Variants in ERC2 observed in about 807,000 individuals in gnomAD.
ERC2 encodes the protein ELKS/RAB6-interacting/CAST family member 2.
In ERC2, 42 loss-of-function variants were observed where a neutral mutation model predicts 114.8. That is an observed-to-expected ratio of 0.37 (90% CI 0.29 to 0.47). ERC2 has a LOEUF of 0.47. ERC2 is among the 20% of genes least tolerant of loss of function. The pLI, the probability that ERC2 is intolerant of heterozygous loss-of-function variation, is 0.99. For synonymous variants in ERC2, 454 were observed against 425.5 expected (o/e 1.07, Z -0.82); for missense variants, 939 against 1,150.7 (o/e 0.82, Z 2.66).
At chr3:55,751,867 G>T (rs2066726246) in intron 14 of ERC2, among the ~76,000 whole-genome samples, 1 of 152,180 alleles carries the variant, frequency 6.6e-6, no homozygotes, top group Non-Finnish European at 1.5e-5. Flanking sequence ...CTTTGGTTGG[G>T]TTTATTTGGA....
At chr3:55,527,252 G>C (rs561690464) in intron 17 of ERC2, among the ~76,000 whole-genome samples, 51 of 152,320 alleles carry the variant, frequency 3.3e-4, no homozygotes, top group African/African-American at 1.1e-3. Context: ...GACGGAGATA[G>C]TAAAAATATC....
At chr3:56,315,578 C>A (rs1291936124) in intron 2 of ERC2, among the ~76,000 whole-genome samples, 1 of 152,090 alleles carries the variant, frequency 6.6e-6, no homozygotes, top group Non-Finnish European at 1.5e-5. Context: ...CATTCCTAAG[C>A]ACATAGATAT....
intron 7 of ERC2, among the ~76,000 whole-genome samples, chr3:56,052,753 T>G (rs1293983899): frequency 6.6e-6 from 1 of 152,086 alleles, no homozygotes; most frequent in Admixed American, 6.6e-5. Context: ...CCGAGTTGCA[T>G]TTTGAGAGAA....
chr3:56,006,051 T>C (rs926032431), intron 10 of ERC2, among the ~76,000 whole-genome samples: 2 of 152,206 alleles, frequency 1.3e-5, no homozygotes, highest in South Asian at 4.1e-4. Flanking sequence ...TTGGGAAATA[T>C]ATTTTGCAAT....
intron 3 of ERC2, among the ~76,000 whole-genome samples, chr3:56,285,580 C>T (rs941240282): frequency 3.9e-5 from 6 of 152,068 alleles, no homozygotes; most frequent in Admixed American, 2.0e-4. Context: ...CAAACAGATG[C>T]GAGAGATCTG....
chr3:56,438,018 T>G (rs1328780642), intron 1 of ERC2, among the ~76,000 whole-genome samples: 1 of 152,254 alleles, frequency 6.6e-6, no homozygotes, highest in Non-Finnish European at 1.5e-5. Context: ...CATTTTCTTC[T>G]TTTTATTTGC....
chr3:56,182,679 G>A (rs149004381), intron 3 of ERC2, among the ~76,000 whole-genome samples: 244 of 152,238 alleles, frequency 1.6e-3, no homozygotes, highest in Non-Finnish European at 2.8e-3. Context: ...ATTTATCCCA[G>A]GCAGTCTGAC....
chr3:56,366,605 T>C (rs1306809422), intron 2 of ERC2, among the ~76,000 whole-genome samples: 1 of 152,210 alleles, frequency 6.6e-6, no homozygotes, highest in East Asian at 1.9e-4. Context: ...ATACCAGGTT[T>C]TGTTATTGGC....
intron 6 of ERC2, among the ~76,000 whole-genome samples, chr3:56,093,935 G>A (rs1445444149): frequency 2.0e-5 from 3 of 152,178 alleles, no homozygotes; most frequent in Non-Finnish European, 4.4e-5. Context: ...GAAGCAGGGT[G>A]TGTGCCATGA....
chr3:55,995,976 C>A (rs1168043684), intron 10 of ERC2, among the ~76,000 whole-genome samples: 1 of 152,152 alleles, frequency 6.6e-6, no homozygotes, highest in Non-Finnish European at 1.5e-5. Context: ...AACATGAGTT[C>A]TTTAATCTGA....
chr3:55,634,682 AT>A (rs2059888360), intron 17 of ERC2, among the ~76,000 whole-genome samples: 1 of 152,296 alleles, frequency 6.6e-6, no homozygotes, highest in South Asian at 2.1e-4. Flanking sequence ...GTCTTCTCCT[AT>A]TTCCAATTAG....
intron 6 of ERC2, among the ~76,000 whole-genome samples, chr3:56,111,775 A>G (rs776141867): frequency 1.5e-4 from 23 of 152,244 alleles, no homozygotes; most frequent in Non-Finnish European, 3.1e-4. Context: ...CAAATGGCTC[A>G]TTATGTGAAA....
At chr3:55,914,277 T>C (rs1362336956) in intron 13 of ERC2, among the ~76,000 whole-genome samples, 2 of 152,136 alleles carry the variant, frequency 1.3e-5, no homozygotes, top group African/African-American at 2.4e-5. Context: ...TCCCAAACCC[T>C]TTCTGTTCTT....
rs573195503 is a variant in ERC2, at chr3:56,314,454, C to T, written c.658-18019G>A. ...ATTATTAATATACAAATACAGATTG[C>T]AAACTGTTCCAGAATGCAGTGCAAA... On this transcript the variant is annotated intron_variant, in intron 2 of 17. Coordinates refer to ENST00000288221, the MANE Select transcript of ERC2 (RefSeq NM_015576.3). 3.3e-5 allele frequency among the ~76,000 whole-genome samples: 4 copies of T among 121,100 alleles called. No homozygotes were observed. In the Admixed American group the frequency reaches 4.8e-4, roughly 15 times the overall value. 79.4% of individuals were successfully genotyped at this position (121,100 alleles called of 152,430 possible). A position where few individuals can be genotyped will look rare whatever the true frequency, so the allele number is the denominator to read the frequency against.
intron 13 of ERC2, among the ~76,000 whole-genome samples, chr3:55,901,177 G>A (rs1352863523): frequency 6.6e-6 from 1 of 152,198 alleles, no homozygotes; most frequent in Non-Finnish European, 1.5e-5. Flanking sequence ...CACTGGAGTA[G>A]AATAGTCATT....
intron 12 of ERC2, chr3:55,955,300 T>C (rs1284458986): frequency 4.9e-6 from 2 of 406,586 alleles, no homozygotes; most frequent in Non-Finnish European, 1.0e-5. Context: ...AAGTGGGGTA[T>C]AAATACACAC....
At chr3:55,695,566 T>C (rs1442626769) in intron 16 of ERC2, among the ~76,000 whole-genome samples, 1 of 152,206 alleles carries the variant, frequency 6.6e-6, no homozygotes, top group African/African-American at 2.4e-5. Flanking sequence ...GTCCTCAACC[T>C]TAATGACTCC....
In ERC2 at chr3:56,173,526, G is replaced by A. The variant is rs905578833; in HGVS notation, c.1075-6C>T. On this transcript the variant is annotated splice_region_variant and splice_polypyrimidine_tract_variant and intron_variant, in intron 3 of 17. Transcript: ENST00000288221. ...TGGCTTCTTCGGTGCAATTCCTGGG[G>A]AGGAACACGATAGAAATAAGCCTGA... The A allele has an allele frequency of 1.2e-6, 2 of 1,613,682 alleles. No homozygotes were observed. The highest frequency in any genetic ancestry group is 2.7e-5 in the African/African-American group (2 of 75,038).
intron 17 of ERC2, among the ~76,000 whole-genome samples, chr3:55,517,465 A>T (rs1258989702): frequency 1.3e-5 from 2 of 151,984 alleles, no homozygotes; most frequent in African/African-American, 2.4e-5. Flanking sequence ...AAAAAAAAAA[A>T]AAAAATTATC....
Sources: allele counts gnomAD v4.1 joint callset (sites outside exome capture counted in the v4.1 genomes callset), GRCh38; gene constraint gnomAD v4.1.1; transcripts MANE v1.5; gene names NCBI Gene and HGNC (gene_info 2026-07-23, HGNC 2026-07-21).